Variants in PTAR1 observed in about 807,000 individuals in gnomAD.
PTAR1 encodes protein prenyltransferase alpha subunit repeat containing 1, also known as protein prenyltransferase alpha subunit repeat-containing protein 1.
A neutral mutation model predicts 45.5 loss-of-function variants in PTAR1; 17 were observed. The ratio of observed to expected loss-of-function variants is 0.37; its 90% CI spans 0.26 to 0.56. The LOEUF is 0.56. PTAR1 is among the 20% of genes least tolerant of loss of function. PTAR1 has a pLI of 0.77. For synonymous variants in PTAR1, 169 were observed against 171.3 expected (o/e 0.99, Z 0.11); for missense variants, 391 against 476.3 (o/e 0.82, Z 1.67).
At chr9:69,723,730 C>T (rs1417293227) in intron 5 of PTAR1, 100 bp from the exon 6 acceptor site, 2 of 909,672 alleles carry the variant, frequency 2.2e-6, no homozygotes, top group Non-Finnish European at 3.3e-6. Context: ...CCTTTTTTGA[C>T]AAGACCATTC....
chr9:69,728,229 G>A (rs1588453282), intron 5 of PTAR1, among the ~76,000 whole-genome samples: 2 of 151,902 alleles, frequency 1.3e-5, no homozygotes, highest in Admixed American at 1.3e-4. Flanking sequence ...AAATAATATG[G>A]CTATTAATGT....
chr9:69,723,004 T>G (rs533324354), intron 6 of PTAR1, among the ~76,000 whole-genome samples: 12 of 151,042 alleles, frequency 7.9e-5, no homozygotes, highest in Admixed American at 2.6e-4. Flanking sequence ...TATTAGTATC[T>G]CCAAGGAAGG....
At chr9:69,743,155 A>T (rs1041952470) in intron 2 of PTAR1, among the ~76,000 whole-genome samples, 3 of 152,144 alleles carry the variant, frequency 2.0e-5, no homozygotes, top group Non-Finnish European at 4.4e-5. Context: ...TTATTTCACT[A>T]AATTCTCATA....
chr9:69,710,883 C>T lies in PTAR1; in HGVS notation c.*7459G>A, dbSNP rs899455623. 1.3e-5 allele frequency: 2 copies of T among 152,084 alleles called. No homozygotes were observed. The highest frequency in any genetic ancestry group is 1.9e-4 in the East Asian group (1 of 5,178). 9.4% of individuals were successfully genotyped at this position (152,084 alleles called of 1,614,324 possible). A position where few individuals can be genotyped will look rare whatever the true frequency, so the allele number is the denominator to read the frequency against. ...TAAGAAAATCTTAAAACAATATTGA[C>T]GGCAGCTTACTTATATCTTCAAGCA... On this transcript the variant is annotated 3_prime_UTR_variant, in exon 8 of 8. Transcript: ENST00000340434.
At chr9:69,742,119 A>G (rs181845147) in intron 2 of PTAR1, among the ~76,000 whole-genome samples, 9 of 152,274 alleles carry the variant, frequency 5.9e-5, no homozygotes, top group South Asian at 4.1e-4. Flanking sequence ...AATCTAATTA[A>G]CCTCTTCCTT....
chr9:69,741,100 CT>C (rs1826027214), intron 3 of PTAR1, among the ~76,000 whole-genome samples: 1 of 152,114 alleles, frequency 6.6e-6, no homozygotes, highest in African/African-American at 2.4e-5. Context: ...AGGGCTCAGT[CT>C]TTGAACTGGT....
Position 69,711,013 on chromosome 9 carries a change from T to A in PTAR1, c.*7329A>T, listed in dbSNP as rs554870489. On this transcript the variant is annotated 3_prime_UTR_variant, in exon 8 of 8. Coordinates refer to ENST00000340434, the MANE Select transcript of PTAR1 (RefSeq NM_001099666.2). ...TGTTAAATTATGCAATTGACTAGTGTCCACAAAATTCGAGTCAAAAAAAAA... is the reference window on the plus strand; with the variant it reads ...TGTTAAATTATGCAATTGACTAGTGACCACAAAATTCGAGTCAAAAAAAAA... 1 of 152,262 alleles carries A rather than the reference T, an allele frequency of 6.6e-6. No homozygotes were observed. Among genetic ancestry groups the A allele is most frequent in the South Asian group, 2.1e-4 (1 of 4,828 alleles). The allele number at this position is 152,262 out of a possible 1,614,324, so 9.4% of individuals were successfully genotyped here. A position where few individuals can be genotyped will look rare whatever the true frequency, so the allele number is the denominator to read the frequency against.
chr9:69,736,341 G>C (rs552853493), intron 3 of PTAR1, among the ~76,000 whole-genome samples: 1 of 152,088 alleles, frequency 6.6e-6, no homozygotes, highest in South Asian at 2.1e-4. Context: ...GGTGGATCAC[G>C]AGGTCAAGAG....
In PTAR1 at chr9:69,718,636, G is replaced by A. The variant is rs920877530; in HGVS notation, c.982+14C>T. 3 of 1,608,576 alleles carry A rather than the reference G, an allele frequency of 1.9e-6. No individual in the cohort carries two copies. The highest frequency in any genetic ancestry group is 1.1e-5 in the South Asian group (1 of 90,642). On this transcript the variant is annotated intron_variant, in intron 7 of 7. Coordinates refer to ENST00000340434, the MANE Select transcript of PTAR1 (RefSeq NM_001099666.2). Reference sequence around the variant, plus strand: ...CTGCAGGTGACAACTGGGTCATGCTGTGAGGAAACCTACCATTTAAGTGAT... The same window carrying A: ...CTGCAGGTGACAACTGGGTCATGCTATGAGGAAACCTACCATTTAAGTGAT...
rs1202335694 is a variant in PTAR1, at chr9:69,717,548, C to T, written c.*794G>A. ...TGGAAGCATTTTTTTCATATAAATT[C>T]CAATACTTCTGACTTTGGTAATTGG... On this transcript the variant is annotated 3_prime_UTR_variant, in exon 8 of 8. Transcript: ENST00000340434. 2.0e-5 allele frequency: 3 copies of T among 152,022 alleles called. No homozygotes were observed. Among genetic ancestry groups the T allele is most frequent in the Non-Finnish European group, 4.4e-5 (3 of 68,010 alleles). 9.4% of individuals were successfully genotyped at this position (152,022 alleles called of 1,614,324 possible). A position where few individuals can be genotyped will look rare whatever the true frequency, so the allele number is the denominator to read the frequency against.
At chr9:69,759,485 G>C (rs1038354846) in intron 1 of PTAR1, among the ~76,000 whole-genome samples, 1 of 152,132 alleles carries the variant, frequency 6.6e-6, no homozygotes, top group African/African-American at 2.4e-5. Flanking sequence ...GTGTTTACAA[G>C]GCATACACGG....
At chr9:69,750,649 G>T in intron 2 of PTAR1, 132 bp downstream of exon 2, 4 of 646,476 alleles carry the variant, frequency 6.2e-6, no homozygotes, top group Non-Finnish European at 1.0e-5. Flanking sequence ...AGAAAGGTTA[G>T]CACCCACCGA....
At chr9:69,730,682 T>C (rs763440112) in intron 5 of PTAR1, among the ~76,000 whole-genome samples, 33 of 150,338 alleles carry the variant, frequency 2.2e-4, no homozygotes, top group Non-Finnish European at 4.0e-4. Context: ...TGCTTTGTAA[T>C]TGTTGGTCTA....
Position 69,711,024 on chromosome 9 carries a change from C to T in PTAR1, c.*7318G>A, listed in dbSNP as rs562160249. The T allele has an allele frequency of 5.9e-5, 9 of 151,462 alleles. No individual in the cohort carries two copies. The highest frequency in any genetic ancestry group is 1.0e-4 in the Non-Finnish European group (7 of 67,896). 9.4% of individuals were successfully genotyped at this position (151,462 alleles called of 1,614,324 possible). ...GCAATTGACTAGTGTCCACAAAATTCGAGTCAAAAAAAAATTAGACGCTAT... is the reference window on the plus strand; with the variant it reads ...GCAATTGACTAGTGTCCACAAAATTTGAGTCAAAAAAAAATTAGACGCTAT... On this transcript the variant is annotated 3_prime_UTR_variant, in exon 8 of 8. Coordinates refer to ENST00000340434, the MANE Select transcript of PTAR1 (RefSeq NM_001099666.2).
At chr9:69,723,244 G>GA in intron 6 of PTAR1, 82 bp downstream of exon 6, 5 of 1,163,546 alleles carry the variant, frequency 4.3e-6, no homozygotes, top group Non-Finnish European at 6.2e-6. Context: ...AAGCAGGCAG[G>GA]AATCAGGTGT....
At chr9:69,747,493 T>C (rs545476419) in intron 2 of PTAR1, among the ~76,000 whole-genome samples, 2 of 152,298 alleles carry the variant, frequency 1.3e-5, no homozygotes, top group South Asian at 2.1e-4. Context: ...AATGAACATA[T>C]GTATCAAATA....
chr9:69,727,827 A>G (rs1157227752), intron 5 of PTAR1, among the ~76,000 whole-genome samples: 2 of 151,974 alleles, frequency 1.3e-5, no homozygotes, highest in African/African-American at 4.8e-5. Flanking sequence ...ATTCTCTCTA[A>G]TGTACTTTAG....
rs540463796 is a variant in PTAR1, at chr9:69,732,430, C to T, written c.429-78G>A. On this transcript the variant is annotated intron_variant, in intron 4 of 7. Transcript: ENST00000340434. The stretch of plus-strand genomic sequence containing the variant: ...GAAAAATAACCAGTTTTCATTGTTC[C>T]TAATTTAATTTCCATTCAGAGACAA... The T allele has an allele frequency of 3.8e-4, 393 of 1,039,166 alleles. No individual in the cohort carries two copies. In the African/African-American group the frequency reaches 5.8e-3, roughly 15 times the overall value. 64.4% of individuals were successfully genotyped at this position (1,039,166 alleles called of 1,614,324 possible). A position where few individuals can be genotyped will look rare whatever the true frequency, so the allele number is the denominator to read the frequency against.
At chr9:69,734,343 A>T in intron 3 of PTAR1, 89 bp from the exon 4 acceptor site, 1 of 555,006 alleles carries the variant, frequency 1.8e-6, no homozygotes, top group Non-Finnish European at 2.9e-6. Context: ...ATATAATCTC[A>T]TTGTGAAGCG....
Sources: allele counts gnomAD v4.1 joint callset (sites outside exome capture counted in the v4.1 genomes callset), GRCh38; gene constraint gnomAD v4.1.1; transcripts MANE v1.5; gene names NCBI Gene and HGNC (gene_info 2026-07-23, HGNC 2026-07-21).